The following SEPTIN7 variants were observed in gnomAD, a reference collection of about 807,000 sequenced individuals.
The protein encoded by SEPTIN7 is septin 7.
SEPTIN7 carries 10 observed loss-of-function variants against 63.3 expected under a neutral mutation model. That is an observed-to-expected ratio of 0.16 (90% CI 0.10 to 0.27). The LOEUF is 0.27. Among genes scored for constraint, SEPTIN7 ranks in the 10% least tolerant of loss-of-function variants. SEPTIN7 has a pLI of 1.00. For synonymous variants in SEPTIN7, 131 were observed against 165.3 expected, an observed-to-expected ratio of 0.79 and a Z score of 1.59; for missense variants, 310 against 521.0, an observed-to-expected ratio of 0.59 and a Z score of 3.94.
At chr7:35,853,197 C>A (rs1213779694) in intron 3 of SEPTIN7, among the ~76,000 whole-genome samples, 1 of 152,044 alleles carries the variant, frequency 6.6e-6, no homozygotes, top group Admixed American at 6.6e-5. Flanking sequence ...TTTGGGAGGC[C>A]GAGGTGGGAA....
Position 35,905,487 on chromosome 7 carries a change from C to T in SEPTIN7, c.*1194C>T, listed in dbSNP as rs1788567061. On this transcript the variant is annotated 3_prime_UTR_variant, in exon 14 of 14. Coordinates refer to ENST00000350320, the MANE Select transcript of SEPTIN7 (RefSeq NM_001788.6). Reference sequence around the variant, plus strand: ...AGATACCATATCTCTCTATTCATTTCTATCTCTCATTTGTATGCTTATTTT... The same window carrying T: ...AGATACCATATCTCTCTATTCATTTTTATCTCTCATTTGTATGCTTATTTT... 1 of 152,032 alleles carries T rather than the reference C, an allele frequency of 6.6e-6. No individual in the cohort carries two copies. The highest frequency in any genetic ancestry group is 2.1e-4 in the South Asian group (1 of 4,826). The allele number at this position is 152,032 out of a possible 1,614,324, so 9.4% of individuals were successfully genotyped here. A position where few individuals can be genotyped will look rare whatever the true frequency, so the allele number is the denominator to read the frequency against.
At chr7:35,815,639 T>A (rs1789011660) in intron 1 of SEPTIN7, among the ~76,000 whole-genome samples, 1 of 152,248 alleles carries the variant, frequency 6.6e-6, no homozygotes, top group Non-Finnish European at 1.5e-5. Flanking sequence ...TCTTTAGCCT[T>A]ATGCAGTACC....
chr7:35,900,677 G>A (rs1052364432), intron 12 of SEPTIN7: 1 of 152,154 alleles, frequency 6.6e-6, no homozygotes, highest in African/African-American at 2.4e-5. Context: ...TTATATTTGA[G>A]GCAGATGTAT....
At chr7:35,861,111 G>A (rs1785482197) in intron 3 of SEPTIN7, among the ~76,000 whole-genome samples, 1 of 152,096 alleles carries the variant, frequency 6.6e-6, no homozygotes, top group South Asian at 2.1e-4. Context: ...CCTATATAGT[G>A]AAATTTTCAA....
chr7:35,912,243 C>A, the SEPTIN7 span, among the ~76,000 whole-genome samples: 1 of 152,178 alleles, frequency 6.6e-6, no homozygotes, highest in Admixed American at 6.5e-5. Context: ...TGTGGGTTTA[C>A]CGGAATGAAG....
In SEPTIN7 at chr7:35,905,676, C is replaced by CG. The variant is rs1300277957; in HGVS notation, c.*1384dup. ...CTGGGATTGCAGGCGTGCACCACCA[C>CG]GCCTGGCTAATTTTTGTATTTTTTG... On this transcript the variant is annotated 3_prime_UTR_variant, in exon 14 of 14. Coordinates refer to ENST00000350320, the MANE Select transcript of SEPTIN7 (RefSeq NM_001788.6). 1 of 152,176 alleles carries CG rather than the reference C, an allele frequency of 6.6e-6. No individual in the cohort carries two copies. The highest frequency in any genetic ancestry group is 1.5e-5 in the Non-Finnish European group (1 of 68,058). The allele number at this position is 152,176 out of a possible 1,614,324, so 9.4% of individuals were successfully genotyped here.
Position 35,801,136 on chromosome 7 carries a change from G to A in SEPTIN7, c.-74G>A. 1 of 1,282,162 alleles carries A rather than the reference G, an allele frequency of 7.8e-7. No individual in the cohort carries two copies. The highest frequency in any genetic ancestry group is 1.0e-6 in the Non-Finnish European group (1 of 956,696). 79.4% of individuals were successfully genotyped at this position (1,282,162 alleles called of 1,614,324 possible). A position where few individuals can be genotyped will look rare whatever the true frequency, so the allele number is the denominator to read the frequency against. On this transcript the variant is annotated 5_prime_UTR_variant, in exon 1 of 14. Transcript: ENST00000350320. ...CAGCTACGCCGGGCGGCTACGCTGC[G>A]GAATCGGCGTAGGCGCCTTTGGAGA...
chr7:35,879,348 G>A (rs567243933), intron 6 of SEPTIN7, among the ~76,000 whole-genome samples: 48 of 152,228 alleles, frequency 3.2e-4, no homozygotes, highest in Admixed American at 1.4e-3. Context: ...GGCAGGCATG[G>A]TGGTGTGCAC....
intron 10 of SEPTIN7, among the ~76,000 whole-genome samples, chr7:35,886,532 A>G (rs2727854): frequency 0.52 from 78,293 of 151,968 alleles, 21,931 homozygotes; most frequent in Admixed American, 0.63. Flanking sequence ...TAGACAAGGA[A>G]CAGAAAGGGC....
chr7:35,903,468 C>T (rs1284785930), intron 13 of SEPTIN7, among the ~76,000 whole-genome samples: 2 of 152,114 alleles, frequency 1.3e-5, no homozygotes, highest in Non-Finnish European at 2.9e-5. Context: ...ATAACATTCT[C>T]CCCAGTTAAC....
intron 3 of SEPTIN7, among the ~76,000 whole-genome samples, chr7:35,850,852 T>C (rs752307357): frequency 1.7e-4 from 26 of 152,298 alleles, no homozygotes; most frequent in Admixed American, 5.2e-4. Context: ...TGATCACTTA[T>C]AAAATGTCAG....
chr7:35,886,232 A>G (rs528313873), intron 10 of SEPTIN7, among the ~76,000 whole-genome samples: 34 of 152,326 alleles, frequency 2.2e-4, no homozygotes, highest in Non-Finnish European at 4.0e-4. Flanking sequence ...TTTTGAGTCC[A>G]AAGCTAGAAT....
chr7:35,897,241 G>A lies in SEPTIN7; in HGVS notation c.999-1007G>A, dbSNP rs188572778. ...GCCTGTTTTTATGGAGGCAAAACAA[G>A]CATGCTTTATTAACAAAGCCAAAGA... On this transcript the variant is annotated intron_variant, in intron 11 of 13. Transcript: ENST00000350320. Among the ~76,000 whole-genome samples the A allele has an allele frequency of 3.1e-3, 470 of 152,220 alleles. 2 individuals are homozygous for A. The highest frequency in any genetic ancestry group is 5.7e-3 in the Non-Finnish European group (390 of 67,996).
At chr7:35,885,657 C>T (rs1431514816) in intron 9 of SEPTIN7, among the ~76,000 whole-genome samples, 171 bp from the exon 10 acceptor site, 1 of 152,132 alleles carries the variant, frequency 6.6e-6, no homozygotes, top group East Asian at 1.9e-4. Flanking sequence ...GAGTACACTT[C>T]TCTGTCATGC....
At chr7:35,871,922 A>T (rs1786176436) in intron 4 of SEPTIN7, among the ~76,000 whole-genome samples, 1 of 152,188 alleles carries the variant, frequency 6.6e-6, no homozygotes, top group Non-Finnish European at 1.5e-5. Flanking sequence ...ACATCTTCTG[A>T]TACAGAGCTT....
At chr7:35,821,929 C>A (rs1203485647) in intron 1 of SEPTIN7, among the ~76,000 whole-genome samples, 2 of 152,112 alleles carry the variant, frequency 1.3e-5, no homozygotes, top group Non-Finnish European at 2.9e-5. Context: ...CAGGTGCATG[C>A]CTGGCTAATT....
intron 1 of SEPTIN7, among the ~76,000 whole-genome samples, chr7:35,818,149 T>C (rs1218582742): frequency 2.0e-5 from 3 of 152,040 alleles, no homozygotes; most frequent in Non-Finnish European, 4.4e-5. Context: ...GAGGTTCCCT[T>C]GTATGTCTAG....
chr7:35,885,290 G>A (rs1404100415), intron 9 of SEPTIN7, among the ~76,000 whole-genome samples: 2 of 152,070 alleles, frequency 1.3e-5, no homozygotes, highest in Non-Finnish European at 2.9e-5. Context: ...CTGAGCTGGG[G>A]CTTTAGAACT....
chr7:35,855,463 G>A (rs1406164031), intron 3 of SEPTIN7, among the ~76,000 whole-genome samples: 3 of 152,098 alleles, frequency 2.0e-5, no homozygotes, highest in Non-Finnish European at 4.4e-5. Flanking sequence ...TTATTCTTCA[G>A]AAAAGCTGTA....
Sources: allele counts gnomAD v4.1 joint callset (sites outside exome capture counted in the v4.1 genomes callset), GRCh38; gene constraint gnomAD v4.1.1; transcripts MANE v1.5; gene names NCBI Gene and HGNC (gene_info 2026-07-23, HGNC 2026-07-21).